Variants in ZNF529 observed in about 807,000 individuals in gnomAD.
ZNF529 encodes the protein zinc finger protein 529.
Under a neutral mutation model 10.1 loss-of-function variants are expected in ZNF529, and 11 were observed. That is an observed-to-expected ratio of 1.09 (90% CI 0.69 to 1.81). The LOEUF (loss-of-function observed/expected upper bound fraction) is 1.81, where lower values mean the gene tolerates loss of function less well. ZNF529 is among the 40% of genes most tolerant of loss of function. The pLI is 0.00. For missense variants in ZNF529, 624 were observed against 666.8 expected (o/e 0.94, Z 0.71); for synonymous variants, 204 against 215.7 (o/e 0.95, Z 0.47).
chr19:36,571,439 A>T (rs2036103644), intron 2 of ZNF529, among the ~76,000 whole-genome samples: 1 of 151,710 alleles, frequency 6.6e-6, no homozygotes, highest in Non-Finnish European at 1.5e-5. Context: ...CTTTGGGAGG[A>T]TGAGGTGGGT....
intron 1 of ZNF529, among the ~76,000 whole-genome samples, chr19:36,595,270 T>A (rs1217062319): frequency 1.3e-5 from 2 of 152,204 alleles, no homozygotes; most frequent in Non-Finnish European, 2.9e-5. Context: ...AGAGTGAATT[T>A]ATGACCTCTG....
upstream of ZNF529, chr19:36,577,450 A>G (rs914922698): frequency 5.6e-6 from 1 of 179,674 alleles, no homozygotes; most frequent in Non-Finnish European, 1.2e-5. Flanking sequence ...CACCAGAGGA[A>G]TGGGAGTAAT....
At position 36,547,351 on chromosome 19, in the gene ZNF529, A is replaced by G. The variant is rs770045047; in HGVS notation, c.1207T>C (p.Phe403Leu). The G allele has an allele frequency of 1.9e-6, 3 of 1,613,932 alleles. No individual in the cohort carries two copies. The highest frequency in any genetic ancestry group is 2.5e-6 in the Non-Finnish European group (3 of 1,179,968). The change falls in exon 5 of 5, where the codon TTT becomes CTT. Residue 403 changes from phenylalanine (F) to leucine (L), a missense_variant. Physicochemically the swap from Phe to Leu is conservative, Grantham distance 22 (BLOSUM62 0). Coordinates refer to ENST00000591340, the MANE Select transcript of ZNF529 (RefSeq NM_020951.5). ...PYECKACGKV[F>L]RNSSSLTRHQ... ...CTAGTCAGGGATGAACTATTTCTAA[A>G]GACCTTTCCACATGCTTTGCATTCA... is the stretch of plus-strand genomic sequence containing the variant.
chr19:36,561,338 C>T (rs553209256), intron 2 of ZNF529, among the ~76,000 whole-genome samples: 2 of 151,814 alleles, frequency 1.3e-5, no homozygotes, highest in African/African-American at 4.8e-5. Flanking sequence ...TGCAAGTGTG[C>T]AGAGTGCACA....
At position 36,547,894 on chromosome 19, in the gene ZNF529, T is replaced by C; in HGVS notation, c.664A>G (p.Thr222Ala). The C allele has an allele frequency of 6.2e-7, 1 of 1,612,606 alleles. No individual in the cohort carries two copies. The highest frequency in any genetic ancestry group is 1.7e-4 in the Middle Eastern group (1 of 6,056). The change falls in exon 5 of 5, where the codon ACT (threonine) becomes GCT (alanine). Residue 222 changes from threonine (T) to alanine (A), a missense_variant. By Grantham distance (58) the Thr-to-Ala change is moderately conservative. Transcript: ENST00000591340. ...ATATATTTACAAGGTTTCACACCAGTATGAATATTCAGTTGTAACATACTG... is the reference window on the plus strand; with the variant it reads ...ATATATTTACAAGGTTTCACACCAGCATGAATATTCAGTTGTAACATACTG... ...NSSMLQLNIH[T>A]GVKPCKYMEY...
chr19:36,544,693 T>C lies in ZNF529; in HGVS notation c.*2173A>G, dbSNP rs2034946627. 1.3e-5 allele frequency: 2 copies of C among 152,352 alleles called. No individual in the cohort carries two copies. The highest frequency in any genetic ancestry group is 4.8e-5 in the African/African-American group (2 of 41,578). 9.4% of individuals were successfully genotyped at this position (152,352 alleles called of 1,614,324 possible). On this transcript the variant is annotated 3_prime_UTR_variant, in exon 5 of 5. Transcript: ENST00000591340. ...AAAAAGGTTAACATACTCTTGTTCTTACTGTGTAGGACATGAAACAACAAC... is the reference window on the plus strand; with the variant it reads ...AAAAAGGTTAACATACTCTTGTTCTCACTGTGTAGGACATGAAACAACAAC...
Position 36,548,101 on chromosome 19 carries a change from T to C in ZNF529, c.457A>G (p.Lys153Glu). The change falls in exon 5 of 5, where the codon AAA (lysine) becomes GAA (glutamate). Residue 153 changes from lysine to glutamate, a missense_variant. Physicochemically the swap from Lys to Glu is moderately conservative, Grantham distance 56. Coordinates refer to ENST00000591340, the MANE Select transcript of ZNF529 (RefSeq NM_020951.5). ...KIISENVPSY[K>E]THESLTLPRR... ...GGTAAAGTAAGAGATTCATGAGTTT[T>C]GTAACTGGGCACATTTTCAGAGATG... 6.2e-7 allele frequency: 1 copy of C among 1,613,952 alleles called. No individual in the cohort carries two copies. Among genetic ancestry groups the C allele is most frequent in the Admixed American group, 1.7e-5 (1 of 60,022 alleles).
At chr19:36,575,182 G>A (rs1167385006), upstream of ZNF529, among the ~76,000 whole-genome samples, 1 of 152,198 alleles carries the variant, frequency 6.6e-6, no homozygotes, top group Non-Finnish European at 1.5e-5. Context: ...ACTGAAAATG[G>A]ATCACTATGT....
Position 36,547,284 on chromosome 19 carries a change from T to G in ZNF529, c.1274A>C (p.Lys425Thr), listed in dbSNP as rs1316568838. 4 of 1,613,618 alleles carry G rather than the reference T, an allele frequency of 2.5e-6. No homozygotes were observed. The highest frequency in any genetic ancestry group is 3.4e-6 in the Non-Finnish European group (4 of 1,179,796). ...TACTCCAAATGCTTTCTCACATTCT[T>G]TACATTTATAGGGTTTTTCACCAGT... is the stretch of plus-strand genomic sequence containing the variant. Reference protein sequence around the residue: ...IHTGEKPYKCKECEKAFGVGS... With the variant: ...IHTGEKPYKCTECEKAFGVGS... The change falls in exon 5 of 5, where the codon AAA becomes ACA. Residue 425 changes from lysine (K) to threonine (T), a missense_variant. Transcript: ENST00000591340.
intron 4 of ZNF529, among the ~76,000 whole-genome samples, chr19:36,549,532 T>G (rs1246787209): frequency 6.6e-6 from 1 of 152,228 alleles, no homozygotes; most frequent in Non-Finnish European, 1.5e-5. Flanking sequence ...AACCCTCACA[T>G]TGTATTAGTG....
chr19:36,593,406 C>T (rs1358400780), intron 1 of ZNF529, among the ~76,000 whole-genome samples: 14 of 152,130 alleles, frequency 9.2e-5, no homozygotes, highest in Admixed American at 9.2e-4. Flanking sequence ...AGGGCTCAAG[C>T]GATCTGCCTG....
intron 2 of ZNF529, among the ~76,000 whole-genome samples, chr19:36,588,378 T>C (rs1255198501): frequency 6.6e-6 from 1 of 152,118 alleles, no homozygotes; most frequent in African/African-American, 2.4e-5. Context: ...TTTACCCTCC[T>C]AGTGTCCACT....
chr19:36,547,603 A>G lies in ZNF529; in HGVS notation c.955T>C (p.Phe319Leu). The G allele has an allele frequency of 1.9e-6, 3 of 1,613,758 alleles. No homozygotes were observed. The highest frequency in any genetic ancestry group is 2.5e-6 in the Non-Finnish European group (3 of 1,179,746). ...TYKCMECGKD[F>L]RFHSQLTEHQ... ...TCGGTAAGCTGTGAATGAAATCTGA[A>G]GTCCTTGCCACATTCCATACATTTG... Residue 319 changes from phenylalanine to leucine, a missense_variant, in exon 5 of 5, where the codon TTC becomes CTC. Phe to Leu is a conservative substitution (Grantham distance 22, BLOSUM62 0). Coordinates refer to ENST00000591340, the MANE Select transcript of ZNF529 (RefSeq NM_020951.5).
upstream of ZNF529, among the ~76,000 whole-genome samples, chr19:36,576,412 T>C (rs1369265177): frequency 2.0e-5 from 3 of 152,050 alleles, no homozygotes; most frequent in East Asian, 5.8e-4. Context: ...TTGTAACTAC[T>C]GTTCACTTAA....
intron 1 of ZNF529, among the ~76,000 whole-genome samples, chr19:36,597,059 A>T (rs2145289894): frequency 6.6e-6 from 1 of 151,992 alleles, no homozygotes; most frequent in Admixed American, 6.6e-5. Context: ...TTTTGTAGAG[A>T]TGGGGTCTCA....
Position 36,562,561 on chromosome 19 carries a change from C to T in ZNF529, c.15-6364G>A, listed in dbSNP as rs538180952. Among the ~76,000 whole-genome samples, 8 of 151,268 alleles carry T rather than the reference C, an allele frequency of 5.3e-5. No individual in the cohort carries two copies. In the East Asian group the frequency reaches 1.4e-3, roughly 26 times the overall value. On this transcript the variant is annotated intron_variant, in intron 2 of 4. Coordinates refer to ENST00000591340, the MANE Select transcript of ZNF529 (RefSeq NM_020951.5). ...TATTAGAAGGTGGAGCCTGGCCGGG[C>T]GCGGTGGCTCATGCCTGTAATCCTA...
At chr19:36,581,803 T>G (rs2036469699) in intron 2 of ZNF529, 1 of 159,492 alleles carries the variant, frequency 6.3e-6, no homozygotes, top group Non-Finnish European at 1.4e-5. Flanking sequence ...GCACTATGCT[T>G]CTTGTACAGC....
At chr19:36,556,071 A>T (rs1190453010) in intron 3 of ZNF529, 33 bp downstream of exon 3, 1 of 1,547,754 alleles carries the variant, frequency 6.5e-7, no homozygotes, top group Admixed American at 2.0e-5. Flanking sequence ...GAAAAAGGAA[A>T]TATCACAAAG....
At chr19:36,592,284 C>CCAAAAA (rs2036738452) in intron 1 of ZNF529, among the ~76,000 whole-genome samples, 8 of 49,842 alleles carry the variant, frequency 1.6e-4, no homozygotes, top group East Asian at 6.4e-4. Context: ...GACTTTGTCT[C>CCAAAAA]AAAAAAAAAA....
Sources: gnomAD v4.1 joint callset for allele counts (sites outside exome capture counted in the v4.1 genomes callset) on GRCh38, gnomAD v4.1.1 for gene constraint, MANE v1.5 for transcripts, NCBI Gene and HGNC (gene_info 2026-07-23, HGNC 2026-07-21) for gene names.